ADGRL3: variants seen among roughly 807,000 people sequenced by gnomAD.
ADGRL3 encodes calcium-independent alpha-latrotoxin receptor 3.
In ADGRL3, 62 loss-of-function variants were observed where a neutral mutation model predicts 153.5. The observed-to-expected ratio is 0.40, with a 90% CI of 0.33 to 0.50. The LOEUF (loss-of-function observed/expected upper bound fraction) is 0.50, where lower values mean the gene tolerates loss of function less well. Ranked by LOEUF, ADGRL3 falls within the 20% of genes least tolerant of loss-of-function variation. The pLI is 0.47. For synonymous variants in ADGRL3, 710 were observed against 672.5 expected (o/e 1.06, Z -0.86); for missense variants, 1,641 against 1,859.4 (o/e 0.88, Z 2.16).
intron 4 of ADGRL3, among the ~76,000 whole-genome samples, chr4:61,564,104 T>G (rs2098806773): frequency 6.6e-6 from 1 of 152,180 alleles, no homozygotes; most frequent in Non-Finnish European, 1.5e-5. Flanking sequence ...TCAGCCTTTA[T>G]AGAATTGAAA....
chr4:61,271,068 A>G (rs950780112), intron 1 of ADGRL3, among the ~76,000 whole-genome samples: 2 of 151,866 alleles, frequency 1.3e-5, no homozygotes, highest in Non-Finnish European at 2.9e-5. Flanking sequence ...TCTTAAAAAA[A>G]TAATAGTAAC....
chr4:61,221,175 G>A (rs142979150), intron 1 of ADGRL3, among the ~76,000 whole-genome samples: 9 of 152,240 alleles, frequency 5.9e-5, no homozygotes, highest in African/African-American at 1.2e-4. Context: ...TTTTATAAAC[G>A]TGTATTAATA....
At chr4:61,807,488 G>A (rs2097565064) in intron 8 of ADGRL3, among the ~76,000 whole-genome samples, 1 of 152,004 alleles carries the variant, frequency 6.6e-6, no homozygotes, top group African/African-American at 2.4e-5. Flanking sequence ...AAAGCCATTT[G>A]TATGGTTTTA....
At chr4:61,466,355 A>C (rs1363426351) in intron 2 of ADGRL3, among the ~76,000 whole-genome samples, 1 of 152,182 alleles carries the variant, frequency 6.6e-6, no homozygotes, top group Non-Finnish European at 1.5e-5. Context: ...CGCTTTTGCT[A>C]TATGAAAAGA....
At chr4:61,996,817 C>T (rs1294310441) in intron 20 of ADGRL3, among the ~76,000 whole-genome samples, 1 of 152,084 alleles carries the variant, frequency 6.6e-6, no homozygotes, top group Non-Finnish European at 1.5e-5. Flanking sequence ...AAAACTTTAA[C>T]ATTTTACTTG....
intron 2 of ADGRL3, among the ~76,000 whole-genome samples, chr4:61,482,335 A>G (rs1162852437): frequency 6.6e-6 from 1 of 152,226 alleles, no homozygotes; most frequent in South Asian, 2.1e-4. Context: ...TTAGCTTTAA[A>G]GTATTCAGAT....
intron 1 of ADGRL3, among the ~76,000 whole-genome samples, chr4:61,212,817 A>T (rs1352968022): frequency 1.3e-5 from 2 of 152,202 alleles, no homozygotes; most frequent in Non-Finnish European, 2.9e-5. Flanking sequence ...AGAAGAAGGA[A>T]CACTAAAAAT....
chr4:61,351,744 GA>G (rs1025837735), intron 1 of ADGRL3, among the ~76,000 whole-genome samples: 4 of 141,312 alleles, frequency 2.8e-5, no homozygotes, highest in East Asian at 4.0e-4. Context: ...CTACTGCTCA[GA>G]AAAAAAAAAG....
At chr4:61,524,668 A>C (rs889455396) in intron 4 of ADGRL3, among the ~76,000 whole-genome samples, 6 of 152,080 alleles carry the variant, frequency 3.9e-5, no homozygotes, top group African/African-American at 1.4e-4. Context: ...GTGTGATATA[A>C]AAATGCATAT....
intron 8 of ADGRL3, among the ~76,000 whole-genome samples, chr4:61,741,290 T>C (rs1204735892): frequency 6.6e-6 from 1 of 152,208 alleles, no homozygotes; most frequent in Admixed American, 6.5e-5. Context: ...GTATGATTCC[T>C]TCACAGTTCC....
intron 9 of ADGRL3, among the ~76,000 whole-genome samples, chr4:61,881,088 A>C (rs771901315): frequency 1.3e-5 from 2 of 152,182 alleles, no homozygotes; most frequent in Non-Finnish European, 2.9e-5. Flanking sequence ...AAATTTTTTT[A>C]AAGATATATT....
chr4:61,394,357 C>T (rs1355264984), intron 2 of ADGRL3, among the ~76,000 whole-genome samples: 1 of 151,876 alleles, frequency 6.6e-6, no homozygotes, highest in Admixed American at 6.6e-5. Context: ...ATAAAATGAT[C>T]AGATAAAAAT....
intron 8 of ADGRL3, among the ~76,000 whole-genome samples, chr4:61,807,534 A>G (rs1193407484): frequency 6.6e-6 from 1 of 152,140 alleles, no homozygotes; most frequent in Non-Finnish European, 1.5e-5. Context: ...GAAATTTATC[A>G]TAAATATAAA....
intron 3 of ADGRL3, among the ~76,000 whole-genome samples, chr4:61,503,251 G>T (rs77718146): frequency 3.3e-5 from 5 of 151,902 alleles, no homozygotes; most frequent in Non-Finnish European, 7.4e-5. Flanking sequence ...AAGGTGTTAC[G>T]TATGAATTTA....
chr4:61,279,893 C>T (rs2093646523), intron 1 of ADGRL3, among the ~76,000 whole-genome samples: 1 of 151,962 alleles, frequency 6.6e-6, no homozygotes, highest in African/African-American at 2.4e-5. Context: ...TCCCCGTCTG[C>T]AAAATAAGGA....
intron 4 of ADGRL3, among the ~76,000 whole-genome samples, chr4:61,518,130 G>T (rs1016617598): frequency 3.3e-5 from 5 of 152,106 alleles, no homozygotes; most frequent in African/African-American, 1.2e-4. Context: ...GGTCATATTT[G>T]CACAAAACTT....
chr4:61,879,567 C>T (rs2098497214), intron 9 of ADGRL3, among the ~76,000 whole-genome samples: 1 of 152,154 alleles, frequency 6.6e-6, no homozygotes, highest in Non-Finnish European at 1.5e-5. Flanking sequence ...CACTTAAAAA[C>T]TTTTGGATTT....
rs986362253 is a variant in ADGRL3, at chr4:61,972,350, G to T, written c.2806-7213G>T. ...AATTTTTGTATAAGGTGTAAGGAAGGGATCCAGTTTCAGCTTTCTACATAT... is the reference window on the plus strand; with the variant it reads ...AATTTTTGTATAAGGTGTAAGGAAGTGATCCAGTTTCAGCTTTCTACATAT... On this transcript the variant is annotated intron_variant, in intron 17 of 26. Transcript: ENST00000683033. Among the ~76,000 whole-genome samples the T allele has an allele frequency of 1.2e-4, 19 of 152,076 alleles. 1 individual carries two copies. Among genetic ancestry groups the T allele is most frequent in the Non-Finnish European group, 2.5e-4 (17 of 68,030 alleles).
chr4:61,494,078 T>C (rs1579166920), intron 2 of ADGRL3, among the ~76,000 whole-genome samples: 2 of 148,238 alleles, frequency 1.3e-5, no homozygotes, highest in South Asian at 2.1e-4. Flanking sequence ...CTTTACTGTG[T>C]CCTGTTTTTT....
Sources: gnomAD v4.1 joint callset for allele counts (sites outside exome capture counted in the v4.1 genomes callset) on GRCh38, gnomAD v4.1.1 for gene constraint, MANE v1.5 for transcripts, NCBI Gene and HGNC (gene_info 2026-07-23, HGNC 2026-07-21) for gene names.